Variants in RNF135 observed in about 807,000 individuals in gnomAD.
RNF135 encodes the protein ring finger protein 135, also known as E3 ubiquitin-protein ligase RNF135.
A neutral mutation model predicts 41.9 loss-of-function variants in RNF135; 46 were observed. The ratio of observed to expected loss-of-function variants is 1.10; its 90% confidence interval spans 0.87 to 1.40. The LOEUF is 1.40. Among genes scored for constraint, RNF135 ranks in the 40% most tolerant of loss-of-function variants. The pLI, the probability that RNF135 is intolerant of heterozygous loss-of-function variation, is 0.00. For synonymous variants in RNF135, 238 were observed against 223.8 expected (o/e 1.06, Z -0.57); for missense variants, 539 against 549.8 (o/e 0.98, Z 0.20).
At chr17:30,961,477 T>TAGAA in the RNF135 span, among the ~76,000 whole-genome samples, 2 of 152,072 alleles carry the variant, frequency 1.3e-5, no homozygotes, top group Non-Finnish European at 2.9e-5. Flanking sequence ...CCTTTCCTTT[T>TAGAA]TCTGAGATGG....
chr17:30,970,891 A>C, upstream of RNF135: 1 of 809,418 alleles, frequency 1.2e-6, no homozygotes, highest in Non-Finnish European at 1.9e-6. Flanking sequence ...CCAGCTGGGC[A>C]CTGGAGGCTC....
chr17:30,993,040 T>TTTA (rs58023443), intron 3 of RNF135, among the ~76,000 whole-genome samples: 5,075 of 146,244 alleles, frequency 0.035, 159 homozygotes, highest in African/African-American at 0.083. Context: ...GTTTTATTTG[T>TTTA]TTATTATTAT....
At chr17:30,989,704 T>C (rs1443165350) in intron 3 of RNF135, among the ~76,000 whole-genome samples, 10 of 152,128 alleles carry the variant, frequency 6.6e-5, no homozygotes, top group Admixed American at 6.5e-4. Flanking sequence ...TTATGCTACT[T>C]AAAAAATCAT....
Position 30,979,883 on chromosome 17 carries a change from G to A in RNF135, c.373-4734G>A, listed in dbSNP as rs1274895995. On this transcript the variant is annotated intron_variant, in intron 1 of 4. Coordinates refer to ENST00000328381, the MANE Select transcript of RNF135 (RefSeq NM_032322.4). ...GCTGACCCCCCCACCTCCCTCCCGG[G>A]CGGGGCGGCTGGCCGGGCAGAGGGG... Among the ~76,000 whole-genome samples the A allele has an allele frequency of 8.0e-3, 794 of 99,754 alleles. 13 individuals carry two copies. The highest frequency in any genetic ancestry group is 0.028 in the African/African-American group (716 of 25,252). The allele number at this position is 99,754 out of a possible 152,430, so 65.4% of individuals were successfully genotyped here.
chr17:30,975,216 G>C (rs543181819), intron 1 of RNF135, among the ~76,000 whole-genome samples: 22 of 152,158 alleles, frequency 1.4e-4, no homozygotes, highest in African/African-American at 5.3e-4. Flanking sequence ...CCAGCTACTT[G>C]CGAGACTGAG....
intron 2 of RNF135, among the ~76,000 whole-genome samples, chr17:30,986,564 G>A (rs1275495611): frequency 1.3e-5 from 2 of 152,226 alleles, no homozygotes; most frequent in Non-Finnish European, 2.9e-5. Context: ...CCCACTTACA[G>A]TAGGGGTTCA....
chr17:30,982,837 A>G (rs934235802), intron 1 of RNF135, among the ~76,000 whole-genome samples: 3 of 152,200 alleles, frequency 2.0e-5, no homozygotes, highest in African/African-American at 7.2e-5. Context: ...AAAATTTTAA[A>G]TTAACATGAC....
intron 2 of RNF135, among the ~76,000 whole-genome samples, chr17:30,985,792 C>A (rs560180162): frequency 6.6e-6 from 1 of 152,272 alleles, no homozygotes; most frequent in East Asian, 1.9e-4. Context: ...CCTCACAGGA[C>A]CAGCAAAGCC....
At chr17:30,992,351 A>G (rs896233754) in intron 3 of RNF135, among the ~76,000 whole-genome samples, 58 of 151,090 alleles carry the variant, frequency 3.8e-4, no homozygotes, top group Non-Finnish European at 1.0e-4. Context: ...TACAGGTGTG[A>G]ACCACCATGT....
chr17:30,982,297 CT>C (rs1907210245), intron 1 of RNF135, among the ~76,000 whole-genome samples: 1 of 152,212 alleles, frequency 6.6e-6, no homozygotes, highest in Non-Finnish European at 1.5e-5. Context: ...GTTCCAATAA[CT>C]GGGGTGGGTG....
At chr17:30,984,978 G>T (rs1204739582) in intron 2 of RNF135, among the ~76,000 whole-genome samples, 1 of 152,208 alleles carries the variant, frequency 6.6e-6, no homozygotes, top group Non-Finnish European at 1.5e-5. Flanking sequence ...CTAACAAGCT[G>T]TCTCTAAGAT....
intron 1 of RNF135, among the ~76,000 whole-genome samples, chr17:30,976,909 T>C (rs1201115904): frequency 6.6e-6 from 1 of 152,212 alleles, no homozygotes; most frequent in South Asian, 2.1e-4. Flanking sequence ...CTGTGTCTTT[T>C]GATTGAAGAT....
At position 30,971,334 on chromosome 17, in the gene RNF135, C is replaced by A; in HGVS notation, c.261C>A (p.Arg87=). 6.5e-7 allele frequency: 1 copy of A among 1,533,562 alleles called. No individual in the cohort carries two copies. The highest frequency in any genetic ancestry group is 1.2e-5 in the South Asian group (1 of 83,196). The allele number at this position is 1,533,562 out of a possible 1,614,324, so 95.0% of individuals were successfully genotyped here. A position where few individuals can be genotyped will look rare whatever the true frequency, so the allele number is the denominator to read the frequency against. ...LLQDLADKYR[R]AAREIQAGSD... ...AGGACCTGGCCGACAAGTACCGCCG[C>A]GCCGCACGCGAGATACAGGCGGGCT... Residue 87 remains arginine, a synonymous_variant, in exon 1 of 5, where the codon CGC becomes CGA. Coordinates refer to ENST00000328381, the MANE Select transcript of RNF135 (RefSeq NM_032322.4).
chr17:30,959,439 A>C, the RNF135 span: 1 of 152,208 alleles, frequency 6.6e-6, no homozygotes, highest in Admixed American at 6.5e-5. Flanking sequence ...TACTTGAATC[A>C]GTCCTGACAG....
At chr17:30,996,702 C>A (rs115745657) in intron 3 of RNF135, among the ~76,000 whole-genome samples, 1 of 152,168 alleles carries the variant, frequency 6.6e-6, no homozygotes, top group Non-Finnish European at 1.5e-5. Context: ...ATCTGCCTGA[C>A]GTGGTCATTG....
chr17:30,993,261 A>G (rs1908115507), intron 3 of RNF135, among the ~76,000 whole-genome samples: 1 of 152,078 alleles, frequency 6.6e-6, no homozygotes, highest in Non-Finnish European at 1.5e-5. Context: ...GGGTTTCGCC[A>G]TGTTGGCCGG....
the RNF135 span, among the ~76,000 whole-genome samples, chr17:30,960,422 A>AT: frequency 1.4e-4 from 21 of 151,088 alleles, no homozygotes; most frequent in African/African-American, 5.1e-4. Context: ...AAAAAAAAAA[A>AT]GCCAGGCATG....
chr17:30,970,940 G>C (rs545853451), upstream of RNF135: 38 of 1,249,448 alleles, frequency 3.0e-5, no homozygotes, highest in African/African-American at 5.2e-4. Flanking sequence ...AGGAGACGGG[G>C]TGGCGCCAAG....
chr17:30,988,924 C>CTTTTTTT (rs572603845), intron 3 of RNF135, among the ~76,000 whole-genome samples: 3 of 99,936 alleles, frequency 3.0e-5, no homozygotes, highest in Non-Finnish European at 4.1e-5. Flanking sequence ...TTCTTTCTTT[C>CTTTTTTT]TTTTTTTTTT....
Sources: gnomAD v4.1 joint callset for allele counts (sites outside exome capture counted in the v4.1 genomes callset) on GRCh38, gnomAD v4.1.1 for gene constraint, MANE v1.5 for transcripts, NCBI Gene and HGNC (gene_info 2026-07-23, HGNC 2026-07-21) for gene names.